Variants in MAT2B observed in about 807,000 individuals in gnomAD.
MAT2B encodes methionine adenosyltransferase 2 subunit beta.
In MAT2B, 16 loss-of-function variants were observed where a neutral mutation model predicts 36.1. That is an observed-to-expected ratio of 0.44 (90% CI 0.30 to 0.67). MAT2B has a LOEUF of 0.67. Ranked by LOEUF, MAT2B falls within the 30% of genes least tolerant of loss-of-function variation. The probability of loss-of-function intolerance (pLI) is 0.09; values close to 1 mark genes in which losing one functional copy is unlikely to be tolerated. For missense variants in MAT2B, 332 were observed against 398.2 expected (o/e 0.83, Z 1.42); for synonymous variants, 148 against 136.9 (o/e 1.08, Z -0.57).
chr5:163,504,828 C>T (rs893891189), upstream of MAT2B, among the ~76,000 whole-genome samples: 1 of 152,134 alleles, frequency 6.6e-6, no homozygotes. Flanking sequence ...ATTCTCGGTG[C>T]TCACCAAGGC....
chr5:163,505,376 A>C (rs983196753), upstream of MAT2B, among the ~76,000 whole-genome samples: 1 of 152,252 alleles, frequency 6.6e-6, no homozygotes, highest in African/African-American at 2.4e-5. Flanking sequence ...AGTAGAATAA[A>C]AAGCACTCAA....
At chr5:163,505,608 G>A, upstream of MAT2B, 1 of 1,248,976 alleles carries the variant, frequency 8.0e-7, no homozygotes, top group Non-Finnish European at 1.0e-6. Context: ...CGGGCCGAGG[G>A]CGTCTGAGCT....
Position 163,513,972 on chromosome 5 carries a change from G to A in MAT2B, c.504G>A (p.Lys168=). Reference sequence around the variant, plus strand: ...GCAAAACAAAATTAGATGGAGAAAAGGCTGTCCTGGAGAACAATCTAGGTA... The same window carrying A: ...GCAAAACAAAATTAGATGGAGAAAAAGCTGTCCTGGAGAACAATCTAGGTA... The part of the protein sequence containing the change: ...LYGKTKLDGE[K]AVLENNLGAA... Residue 168 remains lysine (K), a synonymous_variant, in exon 4 of 7, where the codon AAG becomes AAA. Coordinates refer to ENST00000321757, the MANE Select transcript of MAT2B (RefSeq NM_013283.5). 1 of 1,613,296 alleles carries A rather than the reference G, an allele frequency of 6.2e-7. No individual in the cohort carries two copies. The highest frequency in any genetic ancestry group is 8.5e-7 in the Non-Finnish European group (1 of 1,179,632).
chr5:163,516,810 C>T (rs1760140922), intron 5 of MAT2B, 99 bp downstream of exon 5: 2 of 1,310,844 alleles, frequency 1.5e-6, no homozygotes, highest in African/African-American at 1.5e-5. Flanking sequence ...TGAGTGAAAG[C>T]CAAAAGTGCT....
At chr5:163,508,988 A>G (rs569759935) in intron 1 of MAT2B, among the ~76,000 whole-genome samples, 1 of 152,248 alleles carries the variant, frequency 6.6e-6, no homozygotes, top group East Asian at 1.9e-4. Flanking sequence ...TTTCTCATAC[A>G]ACTCCACTTC....
chr5:163,512,758 C>A, intron 2 of MAT2B: 1 of 433,996 alleles, frequency 2.3e-6, no homozygotes. Context: ...GAGCTCACTG[C>A]AGCCTCCGCC....
intron 1 of MAT2B, among the ~76,000 whole-genome samples, chr5:163,511,204 A>G (rs1224997163): frequency 1.3e-5 from 2 of 152,204 alleles, no homozygotes; most frequent in African/African-American, 4.8e-5. Flanking sequence ...ATAAATCTAC[A>G]TAATTCCTTG....
At chr5:163,515,225 A>G (rs951761445) in intron 4 of MAT2B, among the ~76,000 whole-genome samples, 1 of 152,226 alleles carries the variant, frequency 6.6e-6, no homozygotes, top group South Asian at 2.1e-4. Flanking sequence ...TTCTCTTGTC[A>G]TGTAATTTAA....
intron 1 of MAT2B, among the ~76,000 whole-genome samples, chr5:163,505,998 C>T (rs1039788765): frequency 2.6e-5 from 4 of 152,126 alleles, no homozygotes; most frequent in African/African-American, 4.8e-5. Context: ...GGAGGTTTTA[C>T]TTTCGAGTTC....
chr5:163,504,113 C>T (rs1759890648), upstream of MAT2B, among the ~76,000 whole-genome samples: 2 of 152,120 alleles, frequency 1.3e-5, no homozygotes, highest in African/African-American at 4.8e-5. Context: ...TTCTTTTCTC[C>T]CATAGAAAGG....
At chr5:163,511,916 A>G in intron 1 of MAT2B, 86 bp from the exon 2 acceptor site, 1 of 1,000,376 alleles carries the variant, frequency 1.0e-6, no homozygotes, top group Non-Finnish European at 1.5e-6. Flanking sequence ...GAATTAAGAC[A>G]TTTAGGGAAC....
chr5:163,503,468 G>C, upstream of MAT2B: 1 of 1,579,550 alleles, frequency 6.3e-7, no homozygotes, highest in Non-Finnish European at 8.7e-7. Context: ...TAGAGTAAGA[G>C]ATGCTTTAAA....
upstream of MAT2B, among the ~76,000 whole-genome samples, chr5:163,503,969 T>G (rs533404567): frequency 2.6e-5 from 4 of 152,314 alleles, no homozygotes; most frequent in East Asian, 7.7e-4. Flanking sequence ...GGGGAAAGTA[T>G]CAAGTCAGAT....
intron 1 of MAT2B, among the ~76,000 whole-genome samples, chr5:163,511,642 T>G (rs960298730): frequency 2.6e-5 from 4 of 151,542 alleles, no homozygotes; most frequent in African/African-American, 9.7e-5. Flanking sequence ...TGTTCTAACT[T>G]TATTTATTAC....
At chr5:163,516,808 A>G in intron 5 of MAT2B, 97 bp downstream of exon 5, 1 of 1,340,854 alleles carries the variant, frequency 7.5e-7, no homozygotes, top group Non-Finnish European at 1.1e-6. Context: ...ACTGAGTGAA[A>G]GCCAAAAGTG....
At chr5:163,512,571 C>T (rs1478018694) in intron 2 of MAT2B, 2 of 389,174 alleles carry the variant, frequency 5.1e-6, no homozygotes, top group Non-Finnish European at 9.9e-6. Context: ...TACTATTCTC[C>T]CTTTGACATG....
At chr5:163,510,649 G>T (rs766640784) in intron 1 of MAT2B, among the ~76,000 whole-genome samples, 5 of 151,948 alleles carry the variant, frequency 3.3e-5, no homozygotes, top group Non-Finnish European at 5.9e-5. Context: ...TGCCCAGCTT[G>T]GCCTCCCAAA....
chr5:163,510,557 G>A (rs910315379), intron 1 of MAT2B, among the ~76,000 whole-genome samples: 1 of 151,916 alleles, frequency 6.6e-6, no homozygotes, highest in African/African-American at 2.4e-5. Context: ...ACCACGCCTG[G>A]CTAATTTTTT....
At chr5:163,504,405 C>G (rs76365007), upstream of MAT2B, among the ~76,000 whole-genome samples, 3 of 151,844 alleles carry the variant, frequency 2.0e-5, no homozygotes, top group Non-Finnish European at 2.9e-5. Context: ...TATGTTTACA[C>G]GAATAAGGAA....
Sources: gnomAD v4.1 joint callset for allele counts (sites outside exome capture counted in the v4.1 genomes callset) on GRCh38, gnomAD v4.1.1 for gene constraint, MANE v1.5 for transcripts, NCBI Gene and HGNC (gene_info 2026-07-23, HGNC 2026-07-21) for gene names.